Variants in PAGE2B observed in about 807,000 individuals in gnomAD.
The protein encoded by PAGE2B is putative G antigen family E member 3.
A neutral mutation model predicts 7.6 loss-of-function variants in PAGE2B; 5 were observed. That is an observed-to-expected ratio of 0.66 (90% CI 0.34 to 1.38). PAGE2B has a LOEUF of 1.38. Ranked by LOEUF, PAGE2B falls within the 40% of genes most tolerant of loss-of-function variation. The pLI, the probability that PAGE2B is intolerant of heterozygous loss-of-function variation, is 0.04. For missense variants in PAGE2B, 70 were observed against 78.4 expected (o/e 0.89, Z 0.41); for synonymous variants, 29 against 26.7 (o/e 1.09, Z -0.27).
At chrX:55,040,572 A>G in the PAGE2B span, among the ~76,000 whole-genome samples, 3 of 111,594 alleles carry the variant, frequency 2.7e-5, no homozygotes, top group Admixed American at 2.9e-4. Flanking sequence ...TGAACATTGT[A>G]TGATTCCACT....
the PAGE2B span, among the ~76,000 whole-genome samples, chrX:55,069,291 G>A: frequency 8.9e-6 from 1 of 111,920 alleles, no homozygotes; most frequent in Non-Finnish European, 1.9e-5. Flanking sequence ...CATCTACTGA[G>A]ATAATCATGT....
the PAGE2B span, among the ~76,000 whole-genome samples, chrX:55,050,449 CTT>C: frequency 9.2e-6 from 1 of 108,447 alleles, no homozygotes; most frequent in Non-Finnish European, 1.9e-5. Flanking sequence ...GTCTAAGTCT[CTT>C]TGTAGGTCAC....
intron 2 of PAGE2B, 113 bp from the exon 3 acceptor site, chrX:55,076,456 A>T: frequency 1.4e-6 from 1 of 695,615 alleles, no homozygotes; most frequent in Non-Finnish European, 2.1e-6. Flanking sequence ...ATATACATAT[A>T]TATGTGTTTA....
At chrX:55,051,152 C>G in the PAGE2B span, among the ~76,000 whole-genome samples, 5 of 111,897 alleles carry the variant, frequency 4.5e-5, no homozygotes, top group African/African-American at 1.6e-4. Flanking sequence ...TCACTTCTGG[C>G]TTGTAGAGTT....
chrX:55,057,880 T>C, the PAGE2B span, among the ~76,000 whole-genome samples: 1 of 111,929 alleles, frequency 8.9e-6, no homozygotes, highest in Non-Finnish European at 1.9e-5. Flanking sequence ...CTCTTGACAG[T>C]TGTAGCCAGT....
chrX:55,062,078 G>A, the PAGE2B span, among the ~76,000 whole-genome samples: 3 of 111,592 alleles, frequency 2.7e-5, no homozygotes, highest in South Asian at 3.8e-4. Context: ...ATATCTCTTC[G>A]TTATCCTGAT....
chrX:55,073,855 A>T (rs1338598940), upstream of PAGE2B, among the ~76,000 whole-genome samples: 1 of 110,969 alleles, frequency 9.0e-6, no homozygotes, highest in Non-Finnish European at 1.9e-5. Context: ...GTACAGAAAC[A>T]CTCCTGGTTT....
chrX:55,051,312 T>C, the PAGE2B span, among the ~76,000 whole-genome samples: 1 of 110,861 alleles, frequency 9.0e-6, no homozygotes. Flanking sequence ...TCGAGGAGTA[T>C]CTTTGTGGCA....
the PAGE2B span, among the ~76,000 whole-genome samples, chrX:55,034,587 A>G: frequency 9.1e-6 from 1 of 109,804 alleles, no homozygotes; most frequent in Admixed American, 9.9e-5. Flanking sequence ...AACACTTATA[A>G]TTAGAGCTAA....
chrX:55,041,562 C>A, the PAGE2B span, among the ~76,000 whole-genome samples: 34 of 111,821 alleles, frequency 3.0e-4, no homozygotes, highest in Middle Eastern at 9.2e-3. Context: ...TTGGAAAAAA[C>A]CCAACTGAAT....
At chrX:55,066,357 C>T in the PAGE2B span, among the ~76,000 whole-genome samples, 3 of 112,419 alleles carry the variant, frequency 2.7e-5, no homozygotes, top group African/African-American at 9.7e-5. Context: ...TCCCAAAGTG[C>T]TGGGATTACA....
At chrX:55,060,961 TCAGA>T in the PAGE2B span, among the ~76,000 whole-genome samples, 1 of 110,902 alleles carries the variant, frequency 9.0e-6, no homozygotes, top group Non-Finnish European at 1.9e-5. Context: ...ACAAGGAAAC[TCAGA>T]CAGAAAAAGA....
chrX:55,032,145 A>C, the PAGE2B span, among the ~76,000 whole-genome samples: 1 of 111,134 alleles, frequency 9.0e-6, no homozygotes, highest in Non-Finnish European at 1.9e-5. Flanking sequence ...AGAGGGTGGC[A>C]TCCTAAAATA....
the PAGE2B span, among the ~76,000 whole-genome samples, chrX:55,039,992 G>A: frequency 9.1e-6 from 1 of 109,789 alleles, no homozygotes; most frequent in Admixed American, 9.7e-5. Context: ...AGTATATTAC[G>A]TATTAAACAA....
the PAGE2B span, among the ~76,000 whole-genome samples, chrX:55,040,238 A>T: frequency 1.8e-5 from 2 of 110,030 alleles, no homozygotes; most frequent in Admixed American, 1.9e-4. Flanking sequence ...GGTGTGCTGC[A>T]CCATTAACTC....
chrX:55,049,743 T>C, the PAGE2B span, among the ~76,000 whole-genome samples: 1 of 111,396 alleles, frequency 9.0e-6, no homozygotes, highest in South Asian at 3.8e-4. Context: ...TTTGTTGATC[T>C]TTTCAAAAAA....
At chrX:55,060,219 T>G in the PAGE2B span, among the ~76,000 whole-genome samples, 2 of 111,725 alleles carry the variant, frequency 1.8e-5, no homozygotes, top group East Asian at 5.6e-4. Context: ...TCCTTACCGT[T>G]TTTCATAATA....
the PAGE2B span, among the ~76,000 whole-genome samples, chrX:55,054,687 G>A: frequency 3.4e-3 from 386 of 111,956 alleles, 3 homozygotes; most frequent in African/African-American, 0.012. Context: ...TCAGTATGCC[G>A]CATTATATAT....
the PAGE2B span, among the ~76,000 whole-genome samples, chrX:55,037,942 C>T: frequency 9.4e-6 from 1 of 106,377 alleles, no homozygotes; most frequent in South Asian, 4.5e-4. Flanking sequence ...AGGAGATATA[C>T]TTAATGCTAA....
Sources: gnomAD v4.1 joint callset for allele counts (sites outside exome capture counted in the v4.1 genomes callset) on GRCh38, gnomAD v4.1.1 for gene constraint, MANE v1.5 for transcripts, NCBI Gene and HGNC (gene_info 2026-07-23, HGNC 2026-07-21) for gene names.